Variants in FRMD3 observed in about 807,000 individuals in gnomAD.
FRMD3 encodes the protein FERM domain-containing protein 3.
Under a neutral mutation model 70.2 loss-of-function variants are expected in FRMD3, and 33 were observed. The ratio of observed to expected loss-of-function variants is 0.47; its 90% CI spans 0.36 to 0.63. The LOEUF is 0.63. Ranked by LOEUF, FRMD3 falls within the 20% of genes least tolerant of loss-of-function variation. The pLI is 0.00. For synonymous variants in FRMD3, 279 were observed against 255.9 expected, an observed-to-expected ratio of 1.09 and a Z score of -0.86; for missense variants, 632 against 711.4, an observed-to-expected ratio of 0.89 and a Z score of 1.27.
At chr9:83,430,023 T>C (rs1032731285) in intron 1 of FRMD3, among the ~76,000 whole-genome samples, 1 of 152,230 alleles carries the variant, frequency 6.6e-6, no homozygotes, top group African/African-American at 2.4e-5. Flanking sequence ...GTAATCATCA[T>C]GAACTCCTTT....
At chr9:83,423,375 A>G (rs1203423066) in intron 1 of FRMD3, among the ~76,000 whole-genome samples, 2 of 152,060 alleles carry the variant, frequency 1.3e-5, no homozygotes, top group African/African-American at 4.8e-5. Context: ...TGAGGACCCC[A>G]GAACATGCGG....
chr9:83,243,216 C>T (rs1326367471), downstream of FRMD3: 1 of 1,550,238 alleles, frequency 6.5e-7, no homozygotes, highest in Non-Finnish European at 8.7e-7. Context: ...TGCATGGAGA[C>T]TGGAAGCCCA....
chr9:83,315,052 GTT>G (rs147950545), intron 6 of FRMD3, among the ~76,000 whole-genome samples: 1 of 149,142 alleles, frequency 6.7e-6, no homozygotes, highest in African/African-American at 2.5e-5. Flanking sequence ...TCATTGATAT[GTT>G]TTTTTTTTAA....
At chr9:83,535,806 G>A (rs1587538692) in intron 1 of FRMD3, among the ~76,000 whole-genome samples, 1 of 152,068 alleles carries the variant, frequency 6.6e-6, no homozygotes, top group Non-Finnish European at 1.5e-5. Context: ...ATGGAGAGAG[G>A]GTGACATTCT....
At chr9:83,556,761 A>G in the FRMD3 span, among the ~76,000 whole-genome samples, 16 of 152,172 alleles carry the variant, frequency 1.1e-4, no homozygotes, top group African/African-American at 3.8e-4. Flanking sequence ...AGGCCCTTAC[A>G]ACATCAAGAG....
chr9:83,256,712 G>A (rs1247362061), intron 13 of FRMD3, among the ~76,000 whole-genome samples: 2 of 151,806 alleles, frequency 1.3e-5, no homozygotes, highest in East Asian at 3.9e-4. Flanking sequence ...GATATAAACA[G>A]ACACTTCTCA....
chr9:83,290,903 T>C (rs1834393204), intron 12 of FRMD3, among the ~76,000 whole-genome samples, 176 bp from the exon 13 acceptor site: 1 of 152,198 alleles, frequency 6.6e-6, no homozygotes, highest in African/African-American at 2.4e-5. Flanking sequence ...CTTTCTGCTC[T>C]TAAGGTCCTG....
chr9:83,364,401 A>T (rs1364533200), intron 3 of FRMD3, among the ~76,000 whole-genome samples: 1 of 152,162 alleles, frequency 6.6e-6, no homozygotes. Flanking sequence ...TTCTAAAAAT[A>T]CAAAAATTAG....
At chr9:83,575,581 G>A in the FRMD3 span, among the ~76,000 whole-genome samples, 1 of 152,118 alleles carries the variant, frequency 6.6e-6, no homozygotes, top group African/African-American at 2.4e-5. Flanking sequence ...AGGTGGGAGA[G>A]TTCTCATATT....
rs953488731 is a variant in FRMD3 at position 83,245,017 on chromosome 9, T to A, written c.*2901A>T. 5.1e-6 allele frequency: 5 copies of A among 984,838 alleles called. No individual in the cohort carries two copies. The highest frequency in any genetic ancestry group is 1.0e-3 in the Middle Eastern group (2 of 1,912). 61.0% of individuals were successfully genotyped at this position (984,838 alleles called of 1,614,324 possible). A position where few individuals can be genotyped will look rare whatever the true frequency, so the allele number is the denominator to read the frequency against. The stretch of plus-strand genomic sequence containing the variant: ...TTTATTTATATCCACAAATGTACAC[T>A]CAGTGGCATTTATGGAAAATTTAAC... On this transcript the variant is annotated 3_prime_UTR_variant, in exon 14 of 14. Transcript: ENST00000304195.
intron 3 of FRMD3, among the ~76,000 whole-genome samples, chr9:83,359,387 C>G (rs997977612): frequency 6.6e-6 from 1 of 152,148 alleles, no homozygotes; most frequent in African/African-American, 2.4e-5. Context: ...TCAAGTTTGT[C>G]ATTTGAACAA....
the FRMD3 span, among the ~76,000 whole-genome samples, chr9:83,568,933 T>TAGAC: frequency 1.2e-3 from 133 of 111,766 alleles, no homozygotes; most frequent in African/African-American, 4.1e-3. Context: ...GATAGATAGA[T>TAGAC]AGATAGATAG....
chr9:83,357,583 A>T (rs1824443241), intron 3 of FRMD3, among the ~76,000 whole-genome samples: 1 of 151,850 alleles, frequency 6.6e-6, no homozygotes, highest in African/African-American at 2.4e-5. Flanking sequence ...ACCTATGCCA[A>T]CATTTATTAT....
intron 2 of FRMD3, among the ~76,000 whole-genome samples, chr9:83,383,990 A>C (rs1825436435): frequency 6.6e-6 from 1 of 152,184 alleles, no homozygotes; most frequent in Admixed American, 6.5e-5. Flanking sequence ...CCCCAAATGC[A>C]TCAGTGTTCA....
chr9:83,475,129 C>G (rs749375737), intron 1 of FRMD3, among the ~76,000 whole-genome samples: 3 of 151,846 alleles, frequency 2.0e-5, no homozygotes, highest in Non-Finnish European at 2.9e-5. Flanking sequence ...CCGGGCATAC[C>G]AAGAGATAGA....
intron 1 of FRMD3, among the ~76,000 whole-genome samples, chr9:83,416,749 C>CTCTCTCTCTG (rs1826458030): frequency 1.0e-5 from 1 of 96,066 alleles, no homozygotes; most frequent in Admixed American, 1.0e-4. Flanking sequence ...CTCTCTGTCT[C>CTCTCTCTCTG]TCTCTCTCTC....
chr9:83,507,736 A>G (rs9774797), intron 1 of FRMD3, among the ~76,000 whole-genome samples: 6 of 88,700 alleles, frequency 6.8e-5, no homozygotes, highest in African/African-American at 1.9e-4. Flanking sequence ...ATATATATAT[A>G]TATCTTCTGG....
At chr9:83,358,564 G>C (rs370977668) in intron 3 of FRMD3, among the ~76,000 whole-genome samples, 1 of 152,130 alleles carries the variant, frequency 6.6e-6, no homozygotes, top group African/African-American at 2.4e-5. Context: ...CCATCCATGA[G>C]CATGGGATGT....
chr9:83,472,193 A>G (rs1828285464), intron 1 of FRMD3, among the ~76,000 whole-genome samples: 1 of 152,206 alleles, frequency 6.6e-6, no homozygotes, highest in Non-Finnish European at 1.5e-5. Context: ...AAATAAGTAT[A>G]GGAAAAGCTG....
Sources: allele counts gnomAD v4.1 joint callset (sites outside exome capture counted in the v4.1 genomes callset), GRCh38; gene constraint gnomAD v4.1.1; transcripts MANE v1.5; gene names NCBI Gene and HGNC (gene_info 2026-07-23, HGNC 2026-07-21).